The following TCERG1L variants were observed in gnomAD, a reference collection of about 807,000 sequenced individuals.
The protein encoded by TCERG1L is transcription elongation regulator 1 like.
Under a neutral mutation model 56.3 loss-of-function variants are expected in TCERG1L, and 37 were observed. The observed-to-expected ratio is 0.66, with a 90% CI of 0.51 to 0.87. The LOEUF (loss-of-function observed/expected upper bound fraction) is 0.87, where lower values mean the gene tolerates loss of function less well. Ranked by LOEUF, TCERG1L falls within the 40% of genes least tolerant of loss-of-function variation. TCERG1L has a pLI of 0.00. For missense variants in TCERG1L, 799 were observed against 774.2 expected (o/e 1.03, Z -0.38); for synonymous variants, 324 against 326.3 (o/e 0.99, Z 0.08).
At chr10:131,093,836 T>C (rs1845211859) in intron 11 of TCERG1L, among the ~76,000 whole-genome samples, 4 of 152,144 alleles carry the variant, frequency 2.6e-5, no homozygotes, top group African/African-American at 9.7e-5. Flanking sequence ...TGTGACTCCA[T>C]CACAGCCCTC....
intron 2 of TCERG1L, 113 bp downstream of exon 2, chr10:131,309,040 G>T: frequency 8.0e-7 from 1 of 1,244,148 alleles, no homozygotes; most frequent in Non-Finnish European, 1.1e-6. Flanking sequence ...TCTATACCTA[G>T]ATGGCCAATT....
At chr10:131,120,776 C>G (rs1249236917) in intron 8 of TCERG1L, among the ~76,000 whole-genome samples, 4 of 152,222 alleles carry the variant, frequency 2.6e-5, no homozygotes, top group Admixed American at 2.6e-4. Flanking sequence ...TCACCTAGAG[C>G]TGTCACGTGG....
chr10:131,151,489 G>T (rs1845867449), intron 6 of TCERG1L, among the ~76,000 whole-genome samples: 1 of 152,188 alleles, frequency 6.6e-6, no homozygotes, highest in African/African-American at 2.4e-5. Flanking sequence ...TCCAGGTCAT[G>T]CTGATGCAAG....
At chr10:131,147,271 T>C (rs1165792819) in intron 6 of TCERG1L, among the ~76,000 whole-genome samples, 2 of 152,196 alleles carry the variant, frequency 1.3e-5, no homozygotes, top group African/African-American at 2.4e-5. Context: ...TATGTGCCCT[T>C]TTTAAGCCCC....
At chr10:131,109,169 T>C (rs934804957) in intron 9 of TCERG1L, among the ~76,000 whole-genome samples, 3 of 152,166 alleles carry the variant, frequency 2.0e-5, no homozygotes, top group Non-Finnish European at 2.9e-5. Flanking sequence ...TCTCTCTCTC[T>C]CCTCTTGCCT....
chr10:131,095,216 CGGCCAACCCCACCGGACG>C (rs1428727079), intron 11 of TCERG1L: 1 of 140,646 alleles, frequency 7.1e-6, no homozygotes, highest in African/African-American at 3.1e-5. Flanking sequence ...CCCCACCGGG[CGGCCAACCCCACCGGACG>C]GCCAACCCCA....
At chr10:131,176,030 T>TA (rs1846143986) in intron 4 of TCERG1L, among the ~76,000 whole-genome samples, 1 of 152,122 alleles carries the variant, frequency 6.6e-6, no homozygotes, top group Non-Finnish European at 1.5e-5. Context: ...GTGCGAAAAA[T>TA]ACAGCTGCCG....
chr10:131,225,972 C>T (rs1845787340), intron 4 of TCERG1L, among the ~76,000 whole-genome samples: 1 of 152,238 alleles, frequency 6.6e-6, no homozygotes, highest in Admixed American at 6.5e-5. Context: ...GGGTCTCACG[C>T]TGTCATCCAG....
chr10:131,220,228 C>T (rs1368825634), intron 4 of TCERG1L, among the ~76,000 whole-genome samples: 1 of 152,210 alleles, frequency 6.6e-6, no homozygotes, highest in Non-Finnish European at 1.5e-5. Context: ...CCCCAACAGC[C>T]TGGAAGGGGA....
At chr10:131,131,841 A>T (rs928516965) in intron 8 of TCERG1L, among the ~76,000 whole-genome samples, 7 of 152,238 alleles carry the variant, frequency 4.6e-5, no homozygotes. Flanking sequence ...AGGCAAAATT[A>T]CGCTATCCAC....
chr10:131,255,902 T>C (rs1378791301), intron 4 of TCERG1L, among the ~76,000 whole-genome samples: 1 of 152,248 alleles, frequency 6.6e-6, no homozygotes, highest in Non-Finnish European at 1.5e-5. Flanking sequence ...CAGATACTTG[T>C]AGTTGCATTC....
chr10:131,133,459 A>G (rs986753777), intron 8 of TCERG1L, among the ~76,000 whole-genome samples: 1 of 152,060 alleles, frequency 6.6e-6, no homozygotes. Flanking sequence ...GGATGAACGC[A>G]CCTGTGGGCT....
chr10:131,215,263 C>G (rs904660759), intron 4 of TCERG1L, among the ~76,000 whole-genome samples: 3 of 152,176 alleles, frequency 2.0e-5, no homozygotes, highest in Non-Finnish European at 4.4e-5. Flanking sequence ...CCACGTCGCC[C>G]CACAGGGAGC....
intron 4 of TCERG1L, among the ~76,000 whole-genome samples, chr10:131,218,886 C>A (rs552351079): frequency 1.3e-5 from 2 of 152,124 alleles, no homozygotes; most frequent in African/African-American, 4.8e-5. Flanking sequence ...CCTGCTGTGA[C>A]CTCTCCTCCT....
chr10:131,292,856 A>AT (rs34216280), intron 3 of TCERG1L, among the ~76,000 whole-genome samples: 15,730 of 140,800 alleles, frequency 0.11, 1,004 homozygotes, highest in East Asian at 0.32. Context: ...TATTTCTGGG[A>AT]TTTTTTTTTT....
At chr10:131,167,182 C>A (rs1846040132) in intron 4 of TCERG1L, among the ~76,000 whole-genome samples, 1 of 152,210 alleles carries the variant, frequency 6.6e-6, no homozygotes, top group South Asian at 2.1e-4. Flanking sequence ...CCTGTGTGTG[C>A]AGGCAGTGTT....
intron 4 of TCERG1L, among the ~76,000 whole-genome samples, chr10:131,170,715 T>C (rs1302210965): frequency 1.3e-5 from 2 of 152,100 alleles, no homozygotes; most frequent in Non-Finnish European, 2.9e-5. Context: ...GGGGAAGAAG[T>C]GAGAGGAAGT....
chr10:131,172,610 G>A (rs750020586), intron 4 of TCERG1L, among the ~76,000 whole-genome samples: 4 of 152,206 alleles, frequency 2.6e-5, no homozygotes, highest in East Asian at 1.9e-4. Flanking sequence ...CGCTGGCTCC[G>A]CTCGCAGCTG....
In TCERG1L at chr10:131,268,961, G is replaced by A. The variant is rs532411390; in HGVS notation, c.671-8517C>T. On this transcript the variant is annotated intron_variant, in intron 3 of 11. Transcript: ENST00000368642. ...ATCTTTTTATTGTTGTTGTTCACTG[G>A]AGTAGCACTTTTGATTTCCTTCAAA... is the stretch of plus-strand genomic sequence containing the variant. Among the ~76,000 whole-genome samples, 31 of 152,276 alleles carry A rather than the reference G, an allele frequency of 2.0e-4. No individual in the cohort carries two copies. The South Asian group carries it at 5.8e-3, about 29-fold the overall frequency.
Sources: allele counts gnomAD v4.1 joint callset (sites outside exome capture counted in the v4.1 genomes callset), GRCh38; gene constraint gnomAD v4.1.1; transcripts MANE v1.5; gene names NCBI Gene and HGNC (gene_info 2026-07-23, HGNC 2026-07-21).